CAMTA1: variants seen among roughly 807,000 people sequenced by gnomAD.
CAMTA1 encodes the protein calmodulin binding transcription activator 1.
Under a neutral mutation model 170.9 loss-of-function variants are expected in CAMTA1, and 27 were observed. That is an observed-to-expected ratio of 0.16 (90% CI 0.12 to 0.22). The LOEUF is 0.22. Among genes scored for constraint, CAMTA1 ranks in the 10% least tolerant of loss-of-function variants. The pLI is 1.00. For missense variants in CAMTA1, 1,619 were observed against 2,217.2 expected, an observed-to-expected ratio of 0.73 and a Z score of 5.42; for synonymous variants, 833 against 891.5, an observed-to-expected ratio of 0.93 and a Z score of 1.17.
chr1:7,594,887 C>A (rs1280379783), intron 6 of CAMTA1, among the ~76,000 whole-genome samples: 1 of 152,204 alleles, frequency 6.6e-6, no homozygotes, highest in African/African-American at 2.4e-5. Flanking sequence ...TGTCGGAGAT[C>A]TGGGTAGACA....
chr1:7,011,279 A>G (rs1310723107), intron 3 of CAMTA1, among the ~76,000 whole-genome samples: 1 of 152,084 alleles, frequency 6.6e-6, no homozygotes, highest in Non-Finnish European at 1.5e-5. Context: ...ATCTCGGCTC[A>G]CTGCAACCTC....
chr1:6,835,382 T>C (rs1025147921), intron 3 of CAMTA1, among the ~76,000 whole-genome samples: 3 of 152,140 alleles, frequency 2.0e-5, no homozygotes, highest in Non-Finnish European at 2.9e-5. Flanking sequence ...GGTGGGAGAC[T>C]TTGGGTGATG....
chr1:6,852,138 T>C (rs1660637393), intron 3 of CAMTA1, among the ~76,000 whole-genome samples: 1 of 152,166 alleles, frequency 6.6e-6, no homozygotes, highest in Admixed American at 6.5e-5. Context: ...GAACTAATGT[T>C]TTAAAAATGT....
chr1:7,194,174 T>C (rs984270464), intron 4 of CAMTA1, among the ~76,000 whole-genome samples: 6 of 152,226 alleles, frequency 3.9e-5, no homozygotes, highest in Non-Finnish European at 8.8e-5. Context: ...AAAACACTTT[T>C]ACCAAATTCC....
At chr1:7,174,731 T>A (rs1003682949) in intron 4 of CAMTA1, among the ~76,000 whole-genome samples, 7 of 152,116 alleles carry the variant, frequency 4.6e-5, no homozygotes, top group African/African-American at 1.4e-4. Context: ...CAGGTGGCCC[T>A]GGGGGGCCTG....
At chr1:6,923,509 G>C (rs1230564255) in intron 3 of CAMTA1, among the ~76,000 whole-genome samples, 2 of 152,222 alleles carry the variant, frequency 1.3e-5, no homozygotes, top group Non-Finnish European at 2.9e-5. Context: ...ACGAGGCCCA[G>C]CCCCTGGCTC....
intron 6 of CAMTA1, among the ~76,000 whole-genome samples, chr1:7,557,072 C>T (rs1462177428): frequency 3.3e-5 from 5 of 152,070 alleles, no homozygotes; most frequent in African/African-American, 1.2e-4. Flanking sequence ...CTTGGGGAGA[C>T]CGAGGCGGGA....
At chr1:7,461,718 A>T (rs1055316960) in intron 5 of CAMTA1, among the ~76,000 whole-genome samples, 1 of 152,246 alleles carries the variant, frequency 6.6e-6, no homozygotes, top group African/African-American at 2.4e-5. Context: ...GGTGGACCCA[A>T]GGAAACAGCA....
At chr1:7,449,468 C>A (rs1476385832) in intron 5 of CAMTA1, among the ~76,000 whole-genome samples, 4 of 152,118 alleles carry the variant, frequency 2.6e-5, no homozygotes, top group Non-Finnish European at 5.9e-5. Context: ...TCAGTTATCT[C>A]ACCTAGAAGA....
At chr1:7,759,296 G>A (rs1013526796) in intron 22 of CAMTA1, among the ~76,000 whole-genome samples, 31 of 152,158 alleles carry the variant, frequency 2.0e-4, no homozygotes, top group African/African-American at 7.5e-4. Context: ...ATTAAGACAC[G>A]ACAGACAAAT....
At chr1:7,560,292 T>A (rs955397350) in intron 6 of CAMTA1, among the ~76,000 whole-genome samples, 3 of 152,210 alleles carry the variant, frequency 2.0e-5, no homozygotes, top group Non-Finnish European at 2.9e-5. Context: ...TCAGGTCCCC[T>A]GGGGTCGCTT....
In CAMTA1 at chr1:7,144,363, A is replaced by G. The variant is rs1646060856; in HGVS notation, c.302+52992A>G. Among the ~76,000 whole-genome samples, 1 of 152,120 alleles carries G rather than the reference A, an allele frequency of 6.6e-6. No individual in the cohort carries two copies. The highest frequency in any genetic ancestry group is 1.5e-5 in the Non-Finnish European group (1 of 68,028). On this transcript the variant is annotated intron_variant, in intron 4 of 22. Coordinates refer to ENST00000303635, the MANE Select transcript of CAMTA1 (RefSeq NM_015215.4). The surrounding 1 kb of genome is among the most constrained non-coding windows in gnomAD (Gnocchi z 4.0). ...TTTTCGTTCTAAGGCCACCAATTCT[A>G]TTGGATACAGACCCTATCTGACCTC...
chr1:7,764,299 A>G (rs1466802690), intron 22 of CAMTA1, among the ~76,000 whole-genome samples: 5 of 152,206 alleles, frequency 3.3e-5, no homozygotes, highest in East Asian at 1.9e-4. Flanking sequence ...AAAAGATTCA[A>G]CAGTTTTAGA....
chr1:7,516,458 C>T (rs1368013222), intron 6 of CAMTA1, among the ~76,000 whole-genome samples: 1 of 152,214 alleles, frequency 6.6e-6, no homozygotes, highest in African/African-American at 2.4e-5. Flanking sequence ...AGTGCACACA[C>T]GCCCCTCTGC....
intron 5 of CAMTA1, among the ~76,000 whole-genome samples, chr1:7,344,942 G>A (rs2084119251): frequency 1.3e-5 from 2 of 151,892 alleles, no homozygotes; most frequent in South Asian, 2.1e-4. Context: ...TAGTAGAGAC[G>A]GGGTTTCACC....
chr1:7,253,268 G>C (rs1212165595), intron 5 of CAMTA1, among the ~76,000 whole-genome samples: 1 of 152,186 alleles, frequency 6.6e-6, no homozygotes, highest in Non-Finnish European at 1.5e-5. Context: ...GCATCACCCT[G>C]GTTCCGGGGT....
chr1:7,627,127 T>C (rs2095639161), intron 6 of CAMTA1, among the ~76,000 whole-genome samples: 3 of 152,176 alleles, frequency 2.0e-5, no homozygotes, highest in African/African-American at 7.2e-5. Context: ...TGGGATATTT[T>C]TCGGGAAAAT....
At chr1:7,104,893 T>C (rs377293255) in intron 4 of CAMTA1, among the ~76,000 whole-genome samples, 4 of 152,336 alleles carry the variant, frequency 2.6e-5, no homozygotes, top group South Asian at 4.2e-4. Flanking sequence ...CTTTGAATTC[T>C]TTTTTAGCTG....
At chr1:7,403,248 A>G (rs1263061389) in intron 5 of CAMTA1, among the ~76,000 whole-genome samples, 1 of 152,012 alleles carries the variant, frequency 6.6e-6, no homozygotes, top group African/African-American at 2.4e-5. Context: ...CAGCTACTCG[A>G]GAGGCTGAGA....
Sources: allele counts gnomAD v4.1 joint callset (sites outside exome capture counted in the v4.1 genomes callset), GRCh38; gene constraint gnomAD v4.1.1; non-coding constraint Gnocchi (gnomAD v3.1); transcripts MANE v1.5; gene names NCBI Gene and HGNC (gene_info 2026-07-23, HGNC 2026-07-21).